PRCC: variants seen among roughly 807,000 people sequenced by gnomAD.
The protein encoded by PRCC is proline-rich protein PRCC.
In PRCC, 10 loss-of-function variants were observed where a neutral mutation model predicts 44.0. The ratio of observed to expected loss-of-function variants is 0.23; its 90% CI spans 0.14 to 0.39. The LOEUF is 0.39. Among genes scored for constraint, PRCC ranks in the 10% least tolerant of loss-of-function variants. The pLI is 1.00. For synonymous variants in PRCC, 278 were observed against 259.5 expected (o/e 1.07, Z -0.69); for missense variants, 573 against 624.7 (o/e 0.92, Z 0.88).
At chr1:156,773,301 T>A (rs1162491746) in intron 1 of PRCC, among the ~76,000 whole-genome samples, 2 of 152,030 alleles carry the variant, frequency 1.3e-5, no homozygotes, top group African/African-American at 2.4e-5. Context: ...CCGTGGGGAA[T>A]GAGGCTCTGA....
intron 5 of PRCC, among the ~76,000 whole-genome samples, chr1:156,795,389 G>A (rs1652631751): frequency 7.1e-6 from 1 of 140,406 alleles, no homozygotes; most frequent in Non-Finnish European, 1.5e-5. Context: ...CCAGGCTCAA[G>A]TGATCCTCAC....
intron 1 of PRCC, among the ~76,000 whole-genome samples, chr1:156,780,191 G>T (rs1273037296): frequency 6.6e-6 from 1 of 151,944 alleles, no homozygotes; most frequent in Non-Finnish European, 1.5e-5. Context: ...CCGAGTAGCT[G>T]GGATTACAGG....
rs1652477782 is a variant in PRCC, at chr1:156,791,706, A to G, written c.1093A>G (p.Ser365Gly). The G allele has an allele frequency of 1.2e-6, 2 of 1,612,660 alleles. No homozygotes were observed. The highest frequency in any genetic ancestry group is 1.7e-6 in the Non-Finnish European group (2 of 1,179,574). ...AAGAYYQDYYSGGYYPAQDPA... is the reference protein window; with the variant it reads ...AAGAYYQDYYGGGYYPAQDPA... ...TCCTGTTTGGCTGCAGGATTATTACAGTGGTGGCTACTATCCTGCACAGGA... is the reference window on the plus strand; with the variant it reads ...TCCTGTTTGGCTGCAGGATTATTACGGTGGTGGCTACTATCCTGCACAGGA... Residue 365 changes from serine to glycine, a missense_variant, in exon 4 of 7, where the codon AGT becomes GGT. Ser to Gly is a moderately conservative substitution (Grantham distance 56). Coordinates refer to ENST00000271526, the MANE Select transcript of PRCC (RefSeq NM_005973.5).
At chr1:156,799,778 A>G (rs1343562407) in intron 6 of PRCC, among the ~76,000 whole-genome samples, 1 of 152,214 alleles carries the variant, frequency 6.6e-6, no homozygotes, top group Non-Finnish European at 1.5e-5. Flanking sequence ...AGAATGTGGT[A>G]TAGAGCCAGG....
intron 3 of PRCC, among the ~76,000 whole-genome samples, chr1:156,788,124 C>T (rs1463832140): frequency 2.0e-5 from 3 of 152,196 alleles, no homozygotes; most frequent in African/African-American, 7.2e-5. Flanking sequence ...TGTGAGCCAC[C>T]ACACTTGGCT....
At chr1:156,783,080 T>C (rs886331887) in intron 2 of PRCC, among the ~76,000 whole-genome samples, 2 of 152,082 alleles carry the variant, frequency 1.3e-5, no homozygotes, top group African/African-American at 4.8e-5. Context: ...AATTTTGTAT[T>C]TTAAGTAGAG....
intron 6 of PRCC, among the ~76,000 whole-genome samples, chr1:156,800,170 T>G (rs1047892027): frequency 6.6e-6 from 1 of 152,220 alleles, no homozygotes; most frequent in African/African-American, 2.4e-5. Context: ...GCTTAAACCT[T>G]GATAACTGTC....
chr1:156,779,103 A>ATATAT (rs1651934033), intron 1 of PRCC, among the ~76,000 whole-genome samples: 2 of 28,016 alleles, frequency 7.1e-5, no homozygotes, highest in East Asian at 3.1e-3. Flanking sequence ...CCGGCCGGGT[A>ATATAT]ATATATATAT....
In PRCC at chr1:156,786,864, A is replaced by G. The variant is rs374010387; in HGVS notation, c.773A>G (p.Lys258Arg). 14 of 1,614,232 alleles carry G rather than the reference A, an allele frequency of 8.7e-6. No homozygotes were observed. The African/African-American group carries it at 1.6e-4, about 18-fold the overall frequency. ...AAGAGTGCTGCCCTGCAGGTGACAA[A>G]GCAGATCACGCAGGAAGAAGACGAC... Reference protein sequence around the residue: ...AAKSAALQVTKQITQEEDDSD... With the variant: ...AAKSAALQVTRQITQEEDDSD... The change falls in exon 3 of 7, where the codon AAG becomes AGG. Residue 258 changes from lysine to arginine, a missense_variant. This residue lies in a region of PRCC where 118 missense variants were observed against 166.7 expected (regional missense o/e 0.71). Coordinates refer to ENST00000271526, the MANE Select transcript of PRCC (RefSeq NM_005973.5).
chr1:156,791,657 G>T (rs749718393), intron 3 of PRCC, 40 bp from the exon 4 acceptor site: 55 of 1,570,680 alleles, frequency 3.5e-5, no homozygotes, highest in Non-Finnish European at 4.4e-5. Context: ...CTCCAACTGT[G>T]CCCTCAGTTG....
chr1:156,775,141 G>T (rs1346907823), intron 1 of PRCC, among the ~76,000 whole-genome samples: 2 of 150,894 alleles, frequency 1.3e-5, no homozygotes, highest in African/African-American at 2.5e-5. Context: ...CCAGCTACTC[G>T]GGAGGCTGAG....
intron 1 of PRCC, among the ~76,000 whole-genome samples, chr1:156,773,539 C>A (rs748293578): frequency 6.6e-6 from 1 of 152,078 alleles, no homozygotes; most frequent in Non-Finnish European, 1.5e-5. Flanking sequence ...TATTGTGGCC[C>A]GGGACACTCT....
chr1:156,768,339 C>A, intron 1 of PRCC, 100 bp downstream of exon 1: 1 of 1,256,758 alleles, frequency 8.0e-7, no homozygotes, highest in Non-Finnish European at 1.1e-6. Context: ...ACAAACGCAT[C>A]CGTGGATTCA....
At chr1:156,768,888 A>G (rs1459737866) in intron 1 of PRCC, among the ~76,000 whole-genome samples, 1 of 152,214 alleles carries the variant, frequency 6.6e-6, no homozygotes, top group African/African-American at 2.4e-5. Context: ...GGCAGAGTGA[A>G]GATTAAGATT....
At chr1:156,776,756 T>C (rs1418900259) in intron 1 of PRCC, among the ~76,000 whole-genome samples, 1 of 152,230 alleles carries the variant, frequency 6.6e-6, no homozygotes, top group East Asian at 1.9e-4. Context: ...CTGTTGCCTA[T>C]GATGTCAAAG....
chr1:156,770,938 C>T (rs577432296), intron 1 of PRCC, among the ~76,000 whole-genome samples: 1 of 152,100 alleles, frequency 6.6e-6, no homozygotes, highest in South Asian at 2.1e-4. Flanking sequence ...AGCCCCAGCC[C>T]GAAAGGAGCT....
At chr1:156,798,209 T>G (rs1018703521) in intron 6 of PRCC, among the ~76,000 whole-genome samples, 21 of 152,234 alleles carry the variant, frequency 1.4e-4, no homozygotes, top group Non-Finnish European at 2.5e-4. Flanking sequence ...TTGCCTACTG[T>G]TGACCAGAAT....
intron 2 of PRCC, among the ~76,000 whole-genome samples, chr1:156,783,839 C>T (rs1652137282): frequency 1.3e-5 from 2 of 152,128 alleles, no homozygotes; most frequent in South Asian, 4.2e-4. Flanking sequence ...GTGGCCTTCT[C>T]CTGACTCAGT....
chr1:156,787,754 G>C (rs1053648759), intron 3 of PRCC, among the ~76,000 whole-genome samples: 1 of 141,044 alleles, frequency 7.1e-6, no homozygotes, highest in East Asian at 2.2e-4. Context: ...GAGTTCAAGT[G>C]ATTCTCCTGC....
Sources: gnomAD v4.1 joint callset for allele counts (sites outside exome capture counted in the v4.1 genomes callset) on GRCh38, gnomAD v4.1.1 for gene constraint, gnomAD v4.1.1 regional missense constraint, MANE v1.5 for transcripts, NCBI Gene and HGNC (gene_info 2026-07-23, HGNC 2026-07-21) for gene names.